NINJ2: variants seen among roughly 807,000 people sequenced by gnomAD.
NINJ2 encodes the protein ninjurin 2, also known as ninjurin-2.
A neutral mutation model predicts 11.7 loss-of-function variants in NINJ2; 12 were observed. The ratio of observed to expected loss-of-function variants is 1.02; its 90% confidence interval spans 0.66 to 1.66. NINJ2 has a LOEUF of 1.66. NINJ2 is among the 40% of genes most tolerant of loss of function. The pLI is 0.00. For synonymous variants in NINJ2, 93 were observed against 76.8 expected (o/e 1.21, Z -1.10); for missense variants, 187 against 181.8 (o/e 1.03, Z -0.16).
chr12:571,302 G>C (rs1340310807), intron 1 of NINJ2, among the ~76,000 whole-genome samples: 1 of 152,256 alleles, frequency 6.6e-6, no homozygotes, highest in Non-Finnish European at 1.5e-5. Flanking sequence ...GACGCCCTTG[G>C]GCATCTGGGC....
At chr12:660,334 G>T (rs1442619672) in intron 1 of NINJ2, among the ~76,000 whole-genome samples, 1 of 141,376 alleles carries the variant, frequency 7.1e-6, no homozygotes. Context: ...CTGATAAGTT[G>T]TTATGCTTTC....
intron 1 of NINJ2, 121 bp downstream of exon 1, chr12:663,207 G>A: frequency 1.2e-6 from 1 of 839,008 alleles, no homozygotes. Context: ...TTTGGAGAAG[G>A]GAGTGAGTAA....
intron 1 of NINJ2, among the ~76,000 whole-genome samples, chr12:611,309 TTCTCTCTC>T (rs199681450): frequency 6.7e-6 from 1 of 149,858 alleles, no homozygotes; most frequent in Non-Finnish European, 1.5e-5. Context: ...CTTCCTTTCT[TTCTCTCTC>T]TCTCTCTTTC....
intron 1 of NINJ2, among the ~76,000 whole-genome samples, chr12:600,653 G>GGTGTGTGTGTGT (rs58255968): frequency 2.1e-5 from 3 of 141,950 alleles, no homozygotes; most frequent in Non-Finnish European, 4.5e-5. Flanking sequence ...ATTTTTTTGG[G>GGTGTGTGTGTGT]GTGTGTGTGT....
rs1244419731 is a variant in NINJ2, at chr12:569,773, G to A, written c.34-3595C>T. Among the ~76,000 whole-genome samples the A allele has an allele frequency of 3.3e-5, 5 of 152,326 alleles. No individual in the cohort carries two copies. In the East Asian group the frequency reaches 9.6e-4, roughly 29 times the overall value. Reference sequence around the variant, plus strand: ...GGCTTTTGTTGTTACATTAATCTGAGAGCCATTGCTTCACAGAGGACGTGA... The same window carrying A: ...GGCTTTTGTTGTTACATTAATCTGAAAGCCATTGCTTCACAGAGGACGTGA... On this transcript the variant is annotated intron_variant, in intron 1 of 3. Coordinates refer to ENST00000305108, the MANE Select transcript of NINJ2 (RefSeq NM_016533.6).
chr12:645,861 C>T (rs913480251), intron 1 of NINJ2: 37 of 152,298 alleles, frequency 2.4e-4, no homozygotes, highest in African/African-American at 8.7e-4. Context: ...TATTAAAGAG[C>T]TTGTTTCTGA....
intron 1 of NINJ2, among the ~76,000 whole-genome samples, chr12:594,297 A>G (rs1382523254): frequency 6.6e-6 from 1 of 152,270 alleles, no homozygotes; most frequent in Non-Finnish European, 1.5e-5. Flanking sequence ...GTTTTCCTAT[A>G]GATCATCAAT....
At chr12:611,279 C>CTT (rs1565635026) in intron 1 of NINJ2, among the ~76,000 whole-genome samples, 3 of 138,996 alleles carry the variant, frequency 2.2e-5, no homozygotes, top group African/African-American at 8.1e-5. Context: ...CTTTCTCTCT[C>CTT]TCTTTCTTTC....
At chr12:606,539 T>G (rs1373745391) in intron 1 of NINJ2, among the ~76,000 whole-genome samples, 3 of 152,050 alleles carry the variant, frequency 2.0e-5, no homozygotes, top group African/African-American at 4.8e-5. Flanking sequence ...GAGGAACAAC[T>G]CACCCCAAGC....
At chr12:624,034 TCAAAAACAAAAA>T (rs549069543) in intron 1 of NINJ2, among the ~76,000 whole-genome samples, 27 of 152,168 alleles carry the variant, frequency 1.8e-4, no homozygotes, top group Middle Eastern at 3.4e-3. Flanking sequence ...AGACTCTGTC[TCAAAAACAAAAA>T]CAAAAACAAA....
intron 1 of NINJ2, among the ~76,000 whole-genome samples, chr12:650,612 T>C (rs1040591057): frequency 1.3e-5 from 2 of 152,032 alleles, no homozygotes; most frequent in East Asian, 3.9e-4. Flanking sequence ...GGCAGGAGAA[T>C]TGCTTGAACC....
At chr12:611,969 G>A (rs1592097370) in intron 1 of NINJ2, among the ~76,000 whole-genome samples, 1 of 152,352 alleles carries the variant, frequency 6.6e-6, no homozygotes, top group East Asian at 1.9e-4. Context: ...CAGCAGGGCT[G>A]TATGACCAAG....
chr12:579,380 G>C (rs565182291), intron 1 of NINJ2, among the ~76,000 whole-genome samples: 1 of 150,864 alleles, frequency 6.6e-6, no homozygotes, highest in South Asian at 2.1e-4. Context: ...AGGATACAAC[G>C]AAGATCCCTG....
chr12:583,447 C>T (rs1214640393), intron 1 of NINJ2, among the ~76,000 whole-genome samples: 1 of 152,258 alleles, frequency 6.6e-6, no homozygotes, highest in Admixed American at 6.5e-5. Flanking sequence ...TGGGGTCAGT[C>T]CTTCACAGCC....
intron 1 of NINJ2, among the ~76,000 whole-genome samples, chr12:570,511 G>A (rs532593627): frequency 1.2e-3 from 179 of 152,340 alleles, no homozygotes; most frequent in Non-Finnish European, 2.2e-3. Context: ...GCGCAGCAGG[G>A]TGGCCCCCGC....
chr12:621,773 C>T (rs1418853161), intron 1 of NINJ2, among the ~76,000 whole-genome samples: 7 of 147,148 alleles, frequency 4.8e-5, no homozygotes, highest in African/African-American at 1.0e-4. Flanking sequence ...GCCAAGATTG[C>T]GCCACTGCAC....
intron 1 of NINJ2, among the ~76,000 whole-genome samples, chr12:592,772 T>C (rs976211519): frequency 6.6e-6 from 1 of 152,172 alleles, no homozygotes; most frequent in African/African-American, 2.4e-5. Flanking sequence ...AGGAATGTAG[T>C]CCAAGTCCAA....
intron 1 of NINJ2, among the ~76,000 whole-genome samples, chr12:587,489 G>A (rs1363827825): frequency 6.6e-6 from 1 of 152,258 alleles, no homozygotes; most frequent in Non-Finnish European, 1.5e-5. Context: ...GCATTGTAAG[G>A]ACACGCAAAG....
rs988419662 is a variant in NINJ2 at position 581,673 on chromosome 12, G to A, written c.34-15495C>T. 1.3e-5 allele frequency among the ~76,000 whole-genome samples: 2 copies of A among 152,124 alleles called. No homozygotes were observed. Among genetic ancestry groups the A allele is most frequent in the Non-Finnish European group, 2.9e-5 (2 of 68,024 alleles). ...GGGAGAAGGTAAGCAGGGGAGGGCC[G>A]GCAAGTGGGTGCAGGGATCTGATCC... On this transcript the variant is annotated intron_variant, in intron 1 of 3. Transcript: ENST00000305108. The surrounding 1 kb of genome is among the most constrained non-coding windows in gnomAD (Gnocchi z 4.9).
Sources: allele counts gnomAD v4.1 joint callset (sites outside exome capture counted in the v4.1 genomes callset), GRCh38; gene constraint gnomAD v4.1.1; non-coding constraint Gnocchi (gnomAD v3.1); transcripts MANE v1.5; gene names NCBI Gene and HGNC (gene_info 2026-07-23, HGNC 2026-07-21).